The following GALNT13 variants were observed in gnomAD, a reference collection of about 807,000 sequenced individuals.
GALNT13 encodes polypeptide N-acetylgalactosaminyltransferase 13.
In GALNT13, 28 loss-of-function variants were observed where a neutral mutation model predicts 64.2. The observed-to-expected ratio is 0.44, with a 90% CI of 0.32 to 0.60. The LOEUF is 0.60. Ranked by LOEUF, GALNT13 falls within the 20% of genes least tolerant of loss-of-function variation. The probability of loss-of-function intolerance (pLI) is 0.05; values close to 1 mark genes in which losing one functional copy is unlikely to be tolerated. For synonymous variants in GALNT13, 214 were observed against 224.6 expected, an observed-to-expected ratio of 0.95 and a Z score of 0.42; for missense variants, 577 against 669.8, an observed-to-expected ratio of 0.86 and a Z score of 1.53.
chr2:153,673,434 A>T, the GALNT13 span, among the ~76,000 whole-genome samples: 1 of 152,224 alleles, frequency 6.6e-6, no homozygotes, highest in Admixed American at 6.6e-5. Context: ...AATCCATCAC[A>T]TAAACAGAAC....
the GALNT13 span, among the ~76,000 whole-genome samples, chr2:153,656,688 A>C: frequency 1.3e-5 from 2 of 152,208 alleles, no homozygotes; most frequent in Admixed American, 1.3e-4. Context: ...TTTGAAGGCT[A>C]CCCTTTAGGG....
At chr2:153,559,459 C>T in the GALNT13 span, among the ~76,000 whole-genome samples, 1 of 152,148 alleles carries the variant, frequency 6.6e-6, no homozygotes, top group Admixed American at 6.6e-5. Flanking sequence ...CCTTGTCTCT[C>T]TATCCCCTAT....
intron 10 of GALNT13, among the ~76,000 whole-genome samples, chr2:154,404,688 C>T (rs1699447194): frequency 6.6e-6 from 1 of 152,144 alleles, no homozygotes; most frequent in Non-Finnish European, 1.5e-5. Flanking sequence ...TCTGTGAATT[C>T]TTGAAACTCA....
chr2:153,283,266 G>C, the GALNT13 span, among the ~76,000 whole-genome samples: 1 of 152,210 alleles, frequency 6.6e-6, no homozygotes, highest in Admixed American at 6.5e-5. Flanking sequence ...CCTAGTCATG[G>C]AGCTGAGAAA....
At chr2:153,573,918 C>T in the GALNT13 span, among the ~76,000 whole-genome samples, 2 of 152,028 alleles carry the variant, frequency 1.3e-5, no homozygotes, top group Non-Finnish European at 2.9e-5. Context: ...TTTCTGTGTA[C>T]TTAGCATAAC....
chr2:153,758,586 C>G, the GALNT13 span, among the ~76,000 whole-genome samples: 1 of 151,746 alleles, frequency 6.6e-6, no homozygotes, highest in Non-Finnish European at 1.5e-5. Flanking sequence ...GAAATAGGGA[C>G]AGTTTGTTTA....
intron 3 of GALNT13, among the ~76,000 whole-genome samples, chr2:154,077,099 G>A (rs1389864843): frequency 1.3e-5 from 2 of 151,596 alleles, no homozygotes; most frequent in Non-Finnish European, 3.0e-5. Flanking sequence ...GAATTTATTA[G>A]TATAACAGTG....
the GALNT13 span, among the ~76,000 whole-genome samples, chr2:153,113,291 C>G: frequency 6.6e-6 from 1 of 151,962 alleles, no homozygotes; most frequent in Non-Finnish European, 1.5e-5. Context: ...GCTTTTAACT[C>G]TCTGTACTCT....
the GALNT13 span, among the ~76,000 whole-genome samples, chr2:153,210,089 GT>G: frequency 6.6e-6 from 1 of 152,006 alleles, no homozygotes; most frequent in Non-Finnish European, 1.5e-5. Context: ...TGGATTCTTT[GT>G]GGTTTTCTAT....
chr2:153,927,014 C>T (rs1690188499), intron 2 of GALNT13, among the ~76,000 whole-genome samples: 2 of 151,968 alleles, frequency 1.3e-5, no homozygotes, highest in African/African-American at 4.8e-5. Flanking sequence ...GTAGACATTG[C>T]AATTTTTAAA....
At chr2:154,058,723 G>A (rs1384146603) in intron 3 of GALNT13, among the ~76,000 whole-genome samples, 4 of 152,134 alleles carry the variant, frequency 2.6e-5, no homozygotes, top group African/African-American at 7.2e-5. Context: ...CTGGAGGAGA[G>A]GGATACTGGA....
intron 2 of GALNT13, among the ~76,000 whole-genome samples, chr2:153,940,941 A>G (rs948560731): frequency 6.6e-6 from 1 of 152,226 alleles, no homozygotes; most frequent in Non-Finnish European, 1.5e-5. Flanking sequence ...TAACTTCCTA[A>G]TTAAAAAAGA....
At chr2:153,643,899 A>G in the GALNT13 span, among the ~76,000 whole-genome samples, 1 of 152,104 alleles carries the variant, frequency 6.6e-6, no homozygotes, top group East Asian at 1.9e-4. Flanking sequence ...AAATTTTGGC[A>G]AACTGGCAAT....
the GALNT13 span, among the ~76,000 whole-genome samples, chr2:153,627,113 G>C: frequency 1.3e-5 from 2 of 151,908 alleles, no homozygotes; most frequent in African/African-American, 4.8e-5. Flanking sequence ...ATACCTGAAG[G>C]TGCTTGCAGC....
At chr2:153,138,803 A>G in the GALNT13 span, among the ~76,000 whole-genome samples, 14 of 152,106 alleles carry the variant, frequency 9.2e-5, no homozygotes, top group Non-Finnish European at 1.9e-4. Flanking sequence ...GACTACTGGC[A>G]AGTGGTTCTG....
chr2:154,401,680 G>A (rs1271161700), intron 10 of GALNT13, among the ~76,000 whole-genome samples: 6 of 152,096 alleles, frequency 3.9e-5, no homozygotes, highest in Admixed American at 1.3e-4. Context: ...AGAAACAGCT[G>A]CAACAAACTA....
At chr2:153,340,444 C>T in the GALNT13 span, among the ~76,000 whole-genome samples, 3 of 151,534 alleles carry the variant, frequency 2.0e-5, no homozygotes, top group Non-Finnish European at 4.4e-5. Flanking sequence ...ATCACAAGGT[C>T]AGGAGTTCGA....
chr2:154,437,854 A>G (rs1180261954), intron 11 of GALNT13: 2 of 3,006 alleles, frequency 6.7e-4, no homozygotes, highest in East Asian at 0.037. Context: ...ACTCCATCTA[A>G]AAAAAAAAAA....
At chr2:153,702,722 G>A in the GALNT13 span, among the ~76,000 whole-genome samples, 2 of 151,996 alleles carry the variant, frequency 1.3e-5, no homozygotes, top group Middle Eastern at 6.3e-3. Context: ...TGGGGAGAGT[G>A]GATATTAAAA....
Sources: gnomAD v4.1 joint callset for allele counts (sites outside exome capture counted in the v4.1 genomes callset) on GRCh38, gnomAD v4.1.1 for gene constraint, MANE v1.5 for transcripts, NCBI Gene and HGNC (gene_info 2026-07-23, HGNC 2026-07-21) for gene names.